ZNF791: variants seen among roughly 807,000 people sequenced by gnomAD.
The protein encoded by ZNF791 is zinc finger protein 791.
ZNF791 carries 4 observed loss-of-function variants against 11.5 expected under a neutral mutation model. The observed-to-expected ratio is 0.35, with a 90% CI of 0.17 to 0.80. The LOEUF (loss-of-function observed/expected upper bound fraction) is 0.80. Among genes scored for constraint, ZNF791 ranks in the 30% least tolerant of loss-of-function variants. The pLI is 0.53. For missense variants in ZNF791, 559 were observed against 699.4 expected, an observed-to-expected ratio of 0.80 and a Z score of 2.26; for synonymous variants, 212 against 228.1, an observed-to-expected ratio of 0.93 and a Z score of 0.64.
Position 12,623,934 on chromosome 19 carries a change from C to G in ZNF791, c.130+108C>G, listed in dbSNP as rs374776917. The G allele has an allele frequency of 1.2e-4, 117 of 1,003,350 alleles. No individual in the cohort carries two copies. In the East Asian group the frequency reaches 3.0e-3, roughly 26 times the overall value. 62.2% of individuals were successfully genotyped at this position (1,003,350 alleles called of 1,614,324 possible). ...GCAATGGCACAATCTCAGCTCACCA[C>G]AACCTCAGCCTCCCAGGTTCAAGCA... On this transcript the variant is annotated intron_variant, in intron 2 of 3. Coordinates refer to ENST00000343325, the MANE Select transcript of ZNF791 (RefSeq NM_153358.3).
chr19:12,612,253 G>A lies in ZNF791; in HGVS notation c.3+1171G>A, dbSNP rs1419019297. 5 of 458,706 alleles carry A rather than the reference G, an allele frequency of 1.1e-5. No homozygotes were observed. In the East Asian group the frequency reaches 7.7e-4, roughly 71 times the overall value. 28.4% of individuals were successfully genotyped at this position (458,706 alleles called of 1,614,324 possible). A position where few individuals can be genotyped will look rare whatever the true frequency, so the allele number is the denominator to read the frequency against. ...GGGGTCTGGCTGTGTTGCTCAGGCTGATCTTGAACTCCTGGGCTCAAGCGA... is the reference window on the plus strand; with the variant it reads ...GGGGTCTGGCTGTGTTGCTCAGGCTAATCTTGAACTCCTGGGCTCAAGCGA... On this transcript the variant is annotated intron_variant, in intron 1 of 3. Coordinates refer to ENST00000343325, the MANE Select transcript of ZNF791 (RefSeq NM_153358.3).
chr19:12,621,785 C>A (rs12985774), intron 1 of ZNF791, among the ~76,000 whole-genome samples: 2 of 112,834 alleles, frequency 1.8e-5, no homozygotes, highest in South Asian at 2.7e-4. Flanking sequence ...TCAGCCCCCC[C>A]GCCCGGCCAG....
chr19:12,623,704 C>T lies in ZNF791; in HGVS notation c.8C>T (p.Ser3Leu), dbSNP rs935940745. MD[S>L]VAFEDVSVSF... ...TACTTATATTGGATGTTTCAGGACT[C>T]AGTGGCTTTTGAGGATGTGTCTGTG... The change falls in exon 2 of 4, where the codon TCA becomes TTA. Residue 3 changes from serine (S) to leucine (L), a missense_variant. Transcript: ENST00000343325. 1 of 1,614,112 alleles carries T rather than the reference C, an allele frequency of 6.2e-7. No homozygotes were observed.
In ZNF791 at chr19:12,631,519, G is replaced by A. The variant is rs2145199760; in HGVS notation, c.*2259G>A. On this transcript the variant is annotated 3_prime_UTR_variant, in exon 4 of 4. Transcript: ENST00000343325. ...GGCCAAGGCAGGCAGATCACCTGAG[G>A]TCAGGAGTTCGAGACCAGCCTGGCC... The A allele has an allele frequency of 2.6e-5, 4 of 152,352 alleles. No homozygotes were observed. The South Asian group carries it at 8.3e-4, about 32-fold the overall frequency. The allele number at this position is 152,352 out of a possible 1,614,324, so 9.4% of individuals were successfully genotyped here. A position where few individuals can be genotyped will look rare whatever the true frequency, so the allele number is the denominator to read the frequency against.
intron 1 of ZNF791, among the ~76,000 whole-genome samples, chr19:12,617,273 G>C (rs1250873691): frequency 1.3e-5 from 2 of 151,570 alleles, no homozygotes; most frequent in African/African-American, 2.4e-5. Context: ...TTACAGGCAC[G>C]TGCCACCATG....
chr19:12,624,763 G>A, intron 3 of ZNF791, 53 bp downstream of exon 3: 1 of 1,454,516 alleles, frequency 6.9e-7, no homozygotes, highest in Non-Finnish European at 9.4e-7. Context: ...TCTTAAAAAT[G>A]TTATGGCCGG....
intron 1 of ZNF791, among the ~76,000 whole-genome samples, chr19:12,615,012 C>CTTTT (rs1180146927): frequency 0.033 from 1,645 of 49,872 alleles, 482 homozygotes; most frequent in African/African-American, 0.12. Context: ...CTATGTTCAA[C>CTTTT]TTTTTTTTTT....
chr19:12,621,857 C>T lies in ZNF791; in HGVS notation c.4-1843C>T, dbSNP rs1228101072. ...GCCACCACCCCGTCTGGGAGGTGTG[C>T]CTAACAGCTCATTGAGAACGGGCCA... On this transcript the variant is annotated intron_variant, in intron 1 of 3. Transcript: ENST00000343325. Among the ~76,000 whole-genome samples the T allele has an allele frequency of 2.2e-5, 3 of 135,184 alleles. 1 individual carries two copies. Among genetic ancestry groups the T allele is most frequent in the Non-Finnish European group, 4.9e-5 (3 of 61,800 alleles). The allele number at this position is 135,184 out of a possible 152,430, so 88.7% of individuals were successfully genotyped here. A position where few individuals can be genotyped will look rare whatever the true frequency, so the allele number is the denominator to read the frequency against.
In ZNF791 at chr19:12,624,937, G is replaced by A. The variant is rs565187629; in HGVS notation, c.191+227G>A. Among the ~76,000 whole-genome samples, 16 of 151,710 alleles carry A rather than the reference G, an allele frequency of 1.1e-4. No individual in the cohort carries two copies. The East Asian group carries it at 2.6e-3, about 24-fold the overall frequency. On this transcript the variant is annotated intron_variant, in intron 3 of 3. Coordinates refer to ENST00000343325, the MANE Select transcript of ZNF791 (RefSeq NM_153358.3). ...GTGGTGGTGGGCGCCTGTAATCCCA[G>A]CTACTCTGGAGGCTGAGGCAGAGAA...
chr19:12,622,923 A>AC (rs1555703399), intron 1 of ZNF791, among the ~76,000 whole-genome samples: 4 of 149,160 alleles, frequency 2.7e-5, no homozygotes, highest in South Asian at 2.1e-4. Context: ...AAGAAAAAAA[A>AC]CCCATTTATC....
chr19:12,616,707 A>G (rs1051752411), intron 1 of ZNF791, among the ~76,000 whole-genome samples: 3 of 152,166 alleles, frequency 2.0e-5, no homozygotes, highest in African/African-American at 7.2e-5. Context: ...AAAGAAAAAC[A>G]AAAAGAATTC....
At chr19:12,626,759 C>T (rs1487613838) in intron 3 of ZNF791, among the ~76,000 whole-genome samples, 8 of 151,644 alleles carry the variant, frequency 5.3e-5, no homozygotes, top group African/African-American at 7.3e-5. Flanking sequence ...CGCCCACCAC[C>T]ACGCCCGGCT....
rs1193075930 is a variant in ZNF791 at position 12,630,737 on chromosome 19, C to G, written c.*1477C>G. The G allele has an allele frequency of 6.6e-6, 1 of 152,072 alleles. No individual in the cohort carries two copies. Among genetic ancestry groups the G allele is most frequent in the Non-Finnish European group, 1.5e-5 (1 of 68,026 alleles). 9.4% of individuals were successfully genotyped at this position (152,072 alleles called of 1,614,324 possible). The stretch of plus-strand genomic sequence containing the variant: ...ATGATCCTCACCCCGTGTAGTCCTA[C>G]ACTAATGTGTGTTTGTGTCTTAGTT... On this transcript the variant is annotated 3_prime_UTR_variant, in exon 4 of 4. Coordinates refer to ENST00000343325, the MANE Select transcript of ZNF791 (RefSeq NM_153358.3).
intron 1 of ZNF791, among the ~76,000 whole-genome samples, chr19:12,622,062 T>C (rs1225375323): frequency 7.3e-6 from 1 of 136,078 alleles, no homozygotes; most frequent in African/African-American, 2.6e-5. Flanking sequence ...CCCCCAACCC[T>C]GTGCTCTCTG....
At chr19:12,623,518 A>AGT (rs2023383240) in intron 1 of ZNF791, 182 bp from the exon 2 acceptor site, 1 of 690,582 alleles carries the variant, frequency 1.4e-6, no homozygotes, top group African/African-American at 1.8e-5. Context: ...TAGGACTTAC[A>AGT]GTGACCACAG....
chr19:12,614,892 C>CG (rs1191586602), intron 1 of ZNF791, among the ~76,000 whole-genome samples: 154 of 17,572 alleles, frequency 8.8e-3, no homozygotes, highest in Non-Finnish European at 0.015. Flanking sequence ...TGCGTCCGGC[C>CG]TTTTTTTTTT....
intron 2 of ZNF791, 45 bp downstream of exon 2, chr19:12,623,871 G>GGT (rs1555703482): frequency 2.5e-6 from 2 of 811,618 alleles, no homozygotes; most frequent in African/African-American, 5.0e-5. Flanking sequence ...TTTTTTTTTT[G>GGT]GGGGGGGACA....
chr19:12,623,867 TTTTG>T, intron 2 of ZNF791, 41 bp downstream of exon 2: 50 of 985,472 alleles, frequency 5.1e-5, no homozygotes, highest in Middle Eastern at 3.6e-4. Flanking sequence ...TTTTTTTTTT[TTTTG>T]GGGGGGGACA....
chr19:12,618,079 G>A (rs2023274956), intron 1 of ZNF791, among the ~76,000 whole-genome samples: 2 of 151,518 alleles, frequency 1.3e-5, no homozygotes, highest in South Asian at 2.1e-4. Context: ...CATCATGCCC[G>A]GCTAATTTTT....
Sources: gnomAD v4.1 joint callset for allele counts (sites outside exome capture counted in the v4.1 genomes callset) on GRCh38, gnomAD v4.1.1 for gene constraint, MANE v1.5 for transcripts, NCBI Gene and HGNC (gene_info 2026-07-23, HGNC 2026-07-21) for gene names.